Variants in ZSWIM4 observed in about 807,000 individuals in gnomAD.
The protein encoded by ZSWIM4 is zinc finger SWIM domain-containing protein 4.
In ZSWIM4, 62 loss-of-function variants were observed where a neutral mutation model predicts 102.5. The ratio of observed to expected loss-of-function variants is 0.60; its 90% CI spans 0.49 to 0.75. The LOEUF is 0.75. Among genes scored for constraint, ZSWIM4 ranks in the 30% least tolerant of loss-of-function variants. The probability of loss-of-function intolerance (pLI) is 0.00; values close to 1 mark genes in which losing one functional copy is unlikely to be tolerated. For synonymous variants in ZSWIM4, 652 were observed against 674.5 expected, an observed-to-expected ratio of 0.97 and a Z score of 0.52; for missense variants, 1,280 against 1,529.6, an observed-to-expected ratio of 0.84 and a Z score of 2.72.
At chr19:13,819,553 G>C (rs1222566411) in intron 10 of ZSWIM4, 61 bp downstream of exon 10, 3 of 1,529,852 alleles carry the variant, frequency 2.0e-6, no homozygotes, top group Non-Finnish European at 1.8e-6. Flanking sequence ...GCGGGCATGG[G>C]GGGTAGCTCA....
rs970594511 is a variant in ZSWIM4 at position 13,829,420 on chromosome 19, A to G, written c.2461+694A>G. On this transcript the variant is annotated intron_variant, in intron 13 of 13. Transcript: ENST00000590508. The stretch of plus-strand genomic sequence containing the variant: ...AGCCTGGCCAACATGGCAAAACCCC[A>G]TCTCTACTAAAAATACAAAAATTAG... Among the ~76,000 whole-genome samples, 3 of 152,210 alleles carry G rather than the reference A, an allele frequency of 2.0e-5. No individual in the cohort carries two copies. In the East Asian group the frequency reaches 5.8e-4, roughly 29 times the overall value.
chr19:13,808,802 C>T, intron 3 of ZSWIM4, 34 bp from the exon 4 acceptor site: 1 of 1,557,796 alleles, frequency 6.4e-7, no homozygotes, highest in Non-Finnish European at 8.7e-7. Context: ...AACTCCAGCC[C>T]CAGCCTCAGC....
At chr19:13,817,633 C>A (rs1453439827) in intron 8 of ZSWIM4, 89 bp from the exon 9 acceptor site, 3 of 1,487,234 alleles carry the variant, frequency 2.0e-6, no homozygotes, top group African/African-American at 1.4e-5. Flanking sequence ...GCCTACCCTG[C>A]GCCCAGGTCT....
chr19:13,811,847 G>A (rs548599866), intron 5 of ZSWIM4, among the ~76,000 whole-genome samples: 73 of 152,200 alleles, frequency 4.8e-4, no homozygotes, highest in Middle Eastern at 3.4e-3. Context: ...GGCCGAGGTG[G>A]GCAGATCACT....
At chr19:13,798,304 A>C (rs1009133167) in intron 1 of ZSWIM4, among the ~76,000 whole-genome samples, 4 of 152,000 alleles carry the variant, frequency 2.6e-5, no homozygotes, top group African/African-American at 9.7e-5. Context: ...ACACCTGGCT[A>C]ATTTTTAATT....
intron 2 of ZSWIM4, among the ~76,000 whole-genome samples, chr19:13,800,561 G>A (rs62124243): frequency 4.9e-5 from 7 of 143,384 alleles, no homozygotes; most frequent in African/African-American, 1.3e-4. Context: ...CACCGCTCCC[G>A]GCCCCATTTT....
At position 13,804,633 on chromosome 19, in the gene ZSWIM4, C is replaced by T. The variant is rs1050039736; in HGVS notation, c.356-159C>T. ...CTACACTCCAGCCTGGGCCACAGAG[C>T]GAGATTTTGTTTCAAAAAAAAAAAA... On this transcript the variant is annotated intron_variant, in intron 2 of 13. Transcript: ENST00000590508. Among the ~76,000 whole-genome samples the T allele has an allele frequency of 2.7e-5, 4 of 150,008 alleles. No individual in the cohort carries two copies. The East Asian group carries it at 5.8e-4, about 22-fold the overall frequency.
intron 13 of ZSWIM4, among the ~76,000 whole-genome samples, 197 bp from the exon 14 acceptor site, chr19:13,829,994 G>T (rs2145387419): frequency 6.6e-6 from 1 of 152,318 alleles, no homozygotes; most frequent in South Asian, 2.1e-4. Context: ...GTTGCAGAAA[G>T]AGGCTCCAAA....
intron 11 of ZSWIM4, among the ~76,000 whole-genome samples, chr19:13,824,104 TAGAG>T (rs1599612969): frequency 8.3e-6 from 1 of 120,842 alleles, no homozygotes; most frequent in African/African-American, 3.2e-5. Flanking sequence ...TAGGGGGGGA[TAGAG>T]AGAGAGGGAG....
chr19:13,822,387 C>T (rs1447920044), intron 10 of ZSWIM4, among the ~76,000 whole-genome samples: 2 of 151,828 alleles, frequency 1.3e-5, no homozygotes, highest in Middle Eastern at 3.2e-3. Flanking sequence ...CATTTATAAA[C>T]GGTTGAAAAA....
At chr19:13,800,098 C>G (rs537841656) in intron 2 of ZSWIM4, among the ~76,000 whole-genome samples, 177 bp downstream of exon 2, 1 of 114,392 alleles carries the variant, frequency 8.7e-6, no homozygotes, top group Admixed American at 8.8e-5. Flanking sequence ...GACGGAGTCT[C>G]GCTCTTTGGC....
At chr19:13,812,307 G>C (rs1975119177) in intron 5 of ZSWIM4, among the ~76,000 whole-genome samples, 1 of 151,738 alleles carries the variant, frequency 6.6e-6, no homozygotes, top group African/African-American at 2.4e-5. Flanking sequence ...GTTTTGTTTT[G>C]TTTTGAGATC....
At chr19:13,819,606 A>T in intron 10 of ZSWIM4, 114 bp downstream of exon 10, 1 of 1,245,006 alleles carries the variant, frequency 8.0e-7, no homozygotes, top group African/African-American at 1.5e-5. Context: ...TAGTTAATTC[A>T]GTCTCTCTCA....
chr19:13,809,205 C>G lies in ZSWIM4; in HGVS notation c.997C>G (p.Leu333Val), dbSNP rs946620810. The change falls in exon 5 of 14, where the codon CTC becomes GTC. Residue 333 changes from leucine (L) to valine (V), a missense_variant. Physicochemically the swap from Leu to Val is conservative, Grantham distance 32 (BLOSUM62 1). Coordinates refer to ENST00000590508, the MANE Select transcript of ZSWIM4 (RefSeq NM_001367834.3). The surrounding 1 kb of genome is among the most constrained non-coding windows in gnomAD (Gnocchi z 4.2). ...GGGCATGACGGACAAGTGCCGGCAG[C>G]TCTGGGATGAGCTGGGTGAGGCCCA... ...GAGMTDKCRQ[L>V]WDELGALWVC... The G allele has an allele frequency of 1.2e-6, 2 of 1,606,610 alleles. No individual in the cohort carries two copies. The highest frequency in any genetic ancestry group is 2.7e-5 in the African/African-American group (2 of 74,850).
chr19:13,803,806 GAAAAAAA>G (rs36078549), intron 2 of ZSWIM4, among the ~76,000 whole-genome samples: 34 of 67,594 alleles, frequency 5.0e-4, no homozygotes, highest in African/African-American at 1.8e-3. Context: ...CTCTGTCTCA[GAAAAAAA>G]AAAAAAAAAA....
intron 10 of ZSWIM4, among the ~76,000 whole-genome samples, chr19:13,821,877 C>T (rs1354348126): frequency 6.6e-6 from 1 of 152,110 alleles, no homozygotes; most frequent in Non-Finnish European, 1.5e-5. Flanking sequence ...GCTGGGACTA[C>T]AGTCACCCAC....
In ZSWIM4 at chr19:13,808,901, C is replaced by G. The variant is rs1974993469; in HGVS notation, c.778C>G (p.Gln260Glu). 1 of 1,612,312 alleles carries G rather than the reference C, an allele frequency of 6.2e-7. No homozygotes were observed. Among genetic ancestry groups the G allele is most frequent in the Non-Finnish European group, 8.5e-7 (1 of 1,179,354 alleles). ...CAACTGCTGGCACCTGGACGAGGAG[C>G]AGATCCAGGAGCAGGTGAAGCAGCT... Reference protein sequence around the residue: ...DANCWHLDEEQIQEQVKQLLS... With the variant: ...DANCWHLDEEEIQEQVKQLLS... The change falls in exon 4 of 14, where the codon CAG becomes GAG. Residue 260 changes from glutamine to glutamate, a missense_variant. By Grantham distance (29) the Gln-to-Glu change is conservative (BLOSUM62 2). Coordinates refer to ENST00000590508, the MANE Select transcript of ZSWIM4 (RefSeq NM_001367834.3).
At chr19:13,814,990 C>A in intron 7 of ZSWIM4, 125 bp downstream of exon 7, 1 of 476,894 alleles carries the variant, frequency 2.1e-6, no homozygotes, top group Non-Finnish European at 3.0e-6. Flanking sequence ...GACAATGTCT[C>A]TACAAAAATT....
rs760937634 is a variant in ZSWIM4, at chr19:13,812,980, G to A, written c.1013-17G>A. 3 of 1,589,944 alleles carry A rather than the reference G, an allele frequency of 1.9e-6. No homozygotes were observed. Among genetic ancestry groups the A allele is most frequent in the African/African-American group, 1.3e-5 (1 of 74,428 alleles). On this transcript the variant is annotated splice_polypyrimidine_tract_variant and intron_variant, in intron 5 of 13. Transcript: ENST00000590508. ...CACTGTTGGCAGGAATATTGAGCCTGCCCCGTGCCTCCTCAGGGGCCCTGT... is the reference window on the plus strand; with the variant it reads ...CACTGTTGGCAGGAATATTGAGCCTACCCCGTGCCTCCTCAGGGGCCCTGT...
Sources: allele counts gnomAD v4.1 joint callset (sites outside exome capture counted in the v4.1 genomes callset), GRCh38; gene constraint gnomAD v4.1.1; non-coding constraint Gnocchi (gnomAD v3.1); transcripts MANE v1.5; gene names NCBI Gene and HGNC (gene_info 2026-07-23, HGNC 2026-07-21).